The following CAMTA1 variants were observed in gnomAD, a reference collection of about 807,000 sequenced individuals.
CAMTA1 encodes calmodulin binding transcription activator 1.
Under a neutral mutation model 170.9 loss-of-function variants are expected in CAMTA1, and 27 were observed. The ratio of observed to expected loss-of-function variants is 0.16; its 90% CI spans 0.12 to 0.22. The LOEUF is 0.22. Ranked by LOEUF, CAMTA1 falls within the 10% of genes least tolerant of loss-of-function variation. CAMTA1 has a pLI of 1.00. For synonymous variants in CAMTA1, 833 were observed against 891.5 expected (o/e 0.93, Z 1.17); for missense variants, 1,619 against 2,217.2 (o/e 0.73, Z 5.42).
At chr1:7,205,292 G>A (rs1035977091) in intron 4 of CAMTA1, among the ~76,000 whole-genome samples, 14 of 151,924 alleles carry the variant, frequency 9.2e-5, no homozygotes, top group African/African-American at 3.4e-4. Context: ...TAATAGAGAC[G>A]GGGTTTCACT....
intron 4 of CAMTA1, among the ~76,000 whole-genome samples, chr1:7,109,844 G>A (rs1383535247): frequency 6.6e-6 from 1 of 152,160 alleles, no homozygotes; most frequent in East Asian, 1.9e-4. Flanking sequence ...TGTCTAGATG[G>A]GATGATTCAG....
chr1:7,122,198 C>G (rs1329939540), intron 4 of CAMTA1, among the ~76,000 whole-genome samples: 1 of 152,018 alleles, frequency 6.6e-6, no homozygotes, highest in African/African-American at 2.4e-5. Flanking sequence ...CCCTGTTCTT[C>G]TTTTAGAAGC....
intron 11 of CAMTA1, among the ~76,000 whole-genome samples, chr1:7,703,141 C>T (rs2096460451): frequency 6.6e-6 from 1 of 152,138 alleles, no homozygotes; most frequent in Non-Finnish European, 1.5e-5. Flanking sequence ...CATAACAAAG[C>T]TGGAGGTTTG....
At position 7,486,158 on chromosome 1, in the gene CAMTA1, T is replaced by G. The variant is rs149970469; in HGVS notation, c.510+18257T>G. Among the ~76,000 whole-genome samples the G allele has an allele frequency of 1.2e-3, 185 of 152,290 alleles. 1 individual carries two copies. Among genetic ancestry groups the G allele is most frequent in the Middle Eastern group, 3.4e-3 (1 of 294 alleles). ...GTGACAGTTTGCAGAATGGCCAGAT[T>G]TTCGTAGGTGTTCAGATTTTGTCCT... On this transcript the variant is annotated intron_variant, in intron 6 of 22. Transcript: ENST00000303635.
intron 5 of CAMTA1, among the ~76,000 whole-genome samples, chr1:7,431,662 C>T (rs977388534): frequency 4.6e-5 from 7 of 152,182 alleles, no homozygotes; most frequent in Non-Finnish European, 8.8e-5. Context: ...GCCGTGGCGC[C>T]GCTCAAGCAT....
intron 1 of CAMTA1, among the ~76,000 whole-genome samples, chr1:6,818,847 T>C (rs539729057): frequency 1.1e-4 from 16 of 151,434 alleles, no homozygotes; most frequent in African/African-American, 3.2e-4. Context: ...TGCCATGTTA[T>C]CCAGGCTGGT....
At chr1:7,728,470 G>A (rs1169771537) in intron 11 of CAMTA1, among the ~76,000 whole-genome samples, 2 of 152,184 alleles carry the variant, frequency 1.3e-5, no homozygotes, top group African/African-American at 4.8e-5. Context: ...GTTGCAGATT[G>A]GTTCCAGAGT....
intron 11 of CAMTA1, among the ~76,000 whole-genome samples, chr1:7,713,260 T>G (rs948514734): frequency 6.6e-6 from 1 of 152,122 alleles, no homozygotes; most frequent in African/African-American, 2.4e-5. Context: ...TTTATTGGAG[T>G]CTGTGCTAGG....
intron 3 of CAMTA1, among the ~76,000 whole-genome samples, chr1:6,831,888 G>A (rs1056017699): frequency 3.3e-5 from 5 of 151,206 alleles, no homozygotes; most frequent in Non-Finnish European, 7.4e-5. Context: ...CAAAGCGTCT[G>A]CAGGAGAAAA....
rs568413588 is a variant in CAMTA1, at chr1:7,674,353, A to G, written c.2780-3246A>G. Among the ~76,000 whole-genome samples, 8 of 151,318 alleles carry G rather than the reference A, an allele frequency of 5.3e-5. No homozygotes were observed. Among genetic ancestry groups the G allele is most frequent in the African/African-American group, 1.9e-4 (8 of 41,280 alleles). ...GAGCTGAGGGCAGTGAGCAGCAGTG[A>G]GTGAGAGGAGGTGCTGGGGAAAAGA... On this transcript the variant is annotated intron_variant, in intron 10 of 22. Transcript: ENST00000303635. The surrounding 1 kb of genome is among the most constrained non-coding windows in gnomAD (Gnocchi z 4.1).
At position 6,990,801 on chromosome 1, in the gene CAMTA1, C is replaced by CTA. The variant is rs1221092979; in HGVS notation, c.235-100502_235-100501insAT. Among the ~76,000 whole-genome samples, 1,000 of 130,158 alleles carry CTA rather than the reference C, an allele frequency of 7.7e-3. 6 individuals are homozygous for CTA. Among genetic ancestry groups the CTA allele is most frequent in the South Asian group, 0.03 (128 of 4,238 alleles). 85.4% of individuals were successfully genotyped at this position (130,158 alleles called of 152,430 possible). ...TCTCTCTCTGTCTCTCTCTCTCTCT[C>CTA]TCTCTATATATATATATATTTATAT... On this transcript the variant is annotated intron_variant, in intron 3 of 22. Coordinates refer to ENST00000303635, the MANE Select transcript of CAMTA1 (RefSeq NM_015215.4).
At chr1:7,115,916 A>G (rs1457798898) in intron 4 of CAMTA1, among the ~76,000 whole-genome samples, 2 of 151,908 alleles carry the variant, frequency 1.3e-5, no homozygotes, top group South Asian at 2.1e-4. Context: ...GAGGAGGGCA[A>G]CCTTCTTTAC....
intron 3 of CAMTA1, among the ~76,000 whole-genome samples, chr1:6,850,781 T>G (rs1374684151): frequency 3.9e-5 from 6 of 152,256 alleles, no homozygotes; most frequent in African/African-American, 1.2e-4. Context: ...ACAGAGTTTT[T>G]GTTAGACTCA....
intron 5 of CAMTA1, among the ~76,000 whole-genome samples, chr1:7,353,266 G>C (rs2084823879): frequency 6.6e-6 from 1 of 152,142 alleles, no homozygotes; most frequent in South Asian, 2.1e-4. Context: ...ACCAAATGCT[G>C]TCTCTATACA....
At chr1:6,908,745 G>A (rs745957646) in intron 3 of CAMTA1, among the ~76,000 whole-genome samples, 16 of 152,240 alleles carry the variant, frequency 1.1e-4, no homozygotes, top group Admixed American at 2.0e-4. Flanking sequence ...CAACCCCAGA[G>A]CTAGGTAGGA....
intron 3 of CAMTA1, among the ~76,000 whole-genome samples, chr1:6,850,036 G>GAAAAA (rs146898163): frequency 4.6e-5 from 3 of 65,076 alleles, no homozygotes; most frequent in East Asian, 3.7e-4. Context: ...CTTTGTCTCA[G>GAAAAA]AAAAAAAAAA....
At chr1:7,378,387 A>G (rs1392544239) in intron 5 of CAMTA1, among the ~76,000 whole-genome samples, 1 of 152,222 alleles carries the variant, frequency 6.6e-6, no homozygotes, top group East Asian at 1.9e-4. Context: ...GAATAAACAA[A>G]ATGTGCTCTA....
chr1:7,509,352 T>C (rs1212726), intron 6 of CAMTA1, among the ~76,000 whole-genome samples: 116,507 of 152,100 alleles, frequency 0.77, 44,985 homozygotes, highest in Middle Eastern at 0.8. Flanking sequence ...AGAGCTGCCT[T>C]CCCCAGAGCC....
chr1:7,766,796 C>T lies in CAMTA1; in HGVS notation c.*305C>T, dbSNP rs1041456469. ...ACCCAGGAGGAATTGAAAGAGGCTT[C>T]CTCTTCTCAGGAAGAAGCCATTTCC... On this transcript the variant is annotated 3_prime_UTR_variant, in exon 23 of 23. Transcript: ENST00000303635. 7.7e-6 allele frequency: 3 copies of T among 389,240 alleles called. No individual in the cohort carries two copies. Among genetic ancestry groups the T allele is most frequent in the Non-Finnish European group, 1.4e-5 (3 of 212,690 alleles). 24.1% of individuals were successfully genotyped at this position (389,240 alleles called of 1,614,324 possible).
Sources: gnomAD v4.1 joint callset for allele counts (sites outside exome capture counted in the v4.1 genomes callset) on GRCh38, gnomAD v4.1.1 for gene constraint, Gnocchi (gnomAD v3.1) non-coding constraint, MANE v1.5 for transcripts, NCBI Gene and HGNC (gene_info 2026-07-23, HGNC 2026-07-21) for gene names.